Variants in RAD18 observed in about 807,000 individuals in gnomAD.
RAD18 encodes the protein RAD18 E3 ubiquitin protein ligase, also known as E3 ubiquitin-protein ligase RAD18.
A neutral mutation model predicts 60.4 loss-of-function variants in RAD18; 47 were observed. That is an observed-to-expected ratio of 0.78 (90% CI 0.62 to 0.99). RAD18 has a LOEUF of 0.99. RAD18 is among the 50% of genes least tolerant of loss of function. The probability of loss-of-function intolerance (pLI) is 0.00; values close to 1 mark genes in which losing one functional copy is unlikely to be tolerated. For synonymous variants in RAD18, 225 were observed against 195.5 expected (o/e 1.15, Z -1.26); for missense variants, 640 against 593.3 (o/e 1.08, Z -0.82).
intron 2 of RAD18, among the ~76,000 whole-genome samples, chr3:8,953,765 G>T (rs1167627979): frequency 6.6e-6 from 1 of 151,676 alleles, no homozygotes; most frequent in Admixed American, 6.6e-5. Context: ...TAAAATAATT[G>T]GCTTGTGGAC....
chr3:8,895,644 T>G (rs640900), intron 11 of RAD18, among the ~76,000 whole-genome samples: 87,273 of 152,098 alleles, frequency 0.57, 28,773 homozygotes, highest in Middle Eastern at 0.73. Context: ...TCTCTTTTTT[T>G]TTTGTTTGTT....
intron 7 of RAD18, among the ~76,000 whole-genome samples, chr3:8,918,589 G>A (rs1001491493): frequency 1.4e-4 from 19 of 131,092 alleles, no homozygotes; most frequent in Admixed American, 8.3e-4. Context: ...GAATGACACT[G>A]TGTGTCACCC....
chr3:8,920,826 T>C (rs674610), intron 7 of RAD18, among the ~76,000 whole-genome samples: 92,863 of 152,024 alleles, frequency 0.61, 30,594 homozygotes, highest in Middle Eastern at 0.73. Flanking sequence ...TTGAAAGAGA[T>C]TGAAAAGATA....
intron 7 of RAD18, among the ~76,000 whole-genome samples, chr3:8,916,978 A>G (rs1203130851): frequency 6.6e-6 from 1 of 152,178 alleles, no homozygotes; most frequent in Non-Finnish European, 1.5e-5. Context: ...CCACAAATGC[A>G]AGAATTTCAA....
At chr3:8,917,808 A>G (rs2125057208) in intron 7 of RAD18, among the ~76,000 whole-genome samples, 1 of 152,282 alleles carries the variant, frequency 6.6e-6, no homozygotes, top group Middle Eastern at 3.4e-3. Context: ...GGGTTTTAAA[A>G]CACCAATTAA....
chr3:8,956,006 T>A (rs1169299418), intron 2 of RAD18, among the ~76,000 whole-genome samples: 1 of 152,184 alleles, frequency 6.6e-6, no homozygotes, highest in Non-Finnish European at 1.5e-5. Flanking sequence ...CAGTAAGAGA[T>A]TAGGAACAAT....
intron 1 of RAD18, among the ~76,000 whole-genome samples, chr3:8,962,346 C>G (rs564347881): frequency 1.3e-5 from 2 of 152,286 alleles, no homozygotes; most frequent in Admixed American, 1.3e-4. Context: ...CTACAGCTTT[C>G]CTGGATCATT....
intron 12 of RAD18, chr3:8,890,092 A>G (rs1939658089): frequency 8.3e-6 from 3 of 362,062 alleles, no homozygotes; most frequent in Non-Finnish European, 1.6e-5. Context: ...ATGAAATCAC[A>G]TTTCTCAGGA....
At chr3:8,893,760 C>T (rs937500343) in intron 11 of RAD18, among the ~76,000 whole-genome samples, 2 of 139,004 alleles carry the variant, frequency 1.4e-5, no homozygotes, top group African/African-American at 5.4e-5. Flanking sequence ...TGCAGTGGTA[C>T]AATCACAGCT....
At chr3:8,962,303 C>T (rs953578909) in intron 1 of RAD18, among the ~76,000 whole-genome samples, 1 of 152,234 alleles carries the variant, frequency 6.6e-6, no homozygotes, top group African/African-American at 2.4e-5. Flanking sequence ...CTCTTCTCCA[C>T]TGCATCCTGG....
intron 11 of RAD18, 122 bp downstream of exon 11, chr3:8,898,772 G>T: frequency 1.2e-6 from 1 of 863,176 alleles, no homozygotes; most frequent in Non-Finnish European, 1.7e-6. Context: ...AAAGGGGACT[G>T]AAATGTAAGA....
chr3:8,947,234 G>C lies in RAD18; in HGVS notation c.252C>G (p.Ser84Arg), dbSNP rs1393994985. The C allele has an allele frequency of 6.2e-7, 1 of 1,608,914 alleles. No homozygotes were observed. The highest frequency in any genetic ancestry group is 8.5e-7 in the Non-Finnish European group (1 of 1,175,872). Residue 84 changes from serine to arginine, a missense_variant, in exon 4 of 13, where the codon AGC (serine) becomes AGG (arginine). Coordinates refer to ENST00000264926, the MANE Select transcript of RAD18 (RefSeq NM_020165.4). ...NNRILDELVK[S>R]LNFARNHLLQ... ...TTAAATCATACCGTGCAAAATTCAAGCTTTTTACCAGTTCATCTAATATGC... is the reference window on the plus strand; with the variant it reads ...TTAAATCATACCGTGCAAAATTCAACCTTTTTACCAGTTCATCTAATATGC...
At chr3:8,958,784 A>G in intron 2 of RAD18, 136 bp downstream of exon 2, 1 of 658,660 alleles carries the variant, frequency 1.5e-6, no homozygotes, top group African/African-American at 1.8e-5. Flanking sequence ...GGCAGTGAAA[A>G]AGACCTTCTG....
chr3:8,907,437 G>T (rs1208522001), intron 9 of RAD18, among the ~76,000 whole-genome samples: 1 of 152,132 alleles, frequency 6.6e-6, no homozygotes, highest in Non-Finnish European at 1.5e-5. Context: ...GAATGGCTGG[G>T]CTCCTGGCTA....
chr3:8,879,583 G>T lies in RAD18; in HGVS notation c.*1774C>A, dbSNP rs923177358. 4 of 152,144 alleles carry T rather than the reference G, an allele frequency of 2.6e-5. No homozygotes were observed. The highest frequency in any genetic ancestry group is 4.4e-5 in the Non-Finnish European group (3 of 68,070). 9.4% of individuals were successfully genotyped at this position (152,144 alleles called of 1,614,324 possible). A position where few individuals can be genotyped will look rare whatever the true frequency, so the allele number is the denominator to read the frequency against. ...CTGGCAAACTAATCCATGAGGGTTG[G>T]GTGTTTAGCCTCATCCCTGGCCTCC... On this transcript the variant is annotated 3_prime_UTR_variant, in exon 13 of 13. Coordinates refer to ENST00000264926, the MANE Select transcript of RAD18 (RefSeq NM_020165.4).
chr3:8,884,874 G>A (rs532950231), intron 12 of RAD18, among the ~76,000 whole-genome samples: 1 of 152,252 alleles, frequency 6.6e-6, no homozygotes, highest in Middle Eastern at 3.4e-3. Context: ...TGACTTACTG[G>A]AATAACACTT....
At position 8,963,337 on chromosome 3, in the gene RAD18, T is replaced by G; in HGVS notation, c.49A>C (p.Lys17Gln). ...SRWPPGLAVMKTIDDLLRCGI... is the reference protein window; with the variant it reads ...SRWPPGLAVMQTIDDLLRCGI... ...CCCAAACTCCCCGAAGCACTCACCT[T>G]CATGACTGCCAGGCCCGGAGGCCAC... Residue 17 changes from lysine (K) to glutamine (Q), a missense_variant and splice_region_variant, in exon 1 of 13, where the codon AAG (lysine) becomes CAG (glutamine). By Grantham distance (53) the Lys-to-Gln change is moderately conservative (BLOSUM62 1). Coordinates refer to ENST00000264926, the MANE Select transcript of RAD18 (RefSeq NM_020165.4). 3 of 1,611,400 alleles carry G rather than the reference T, an allele frequency of 1.9e-6. No individual in the cohort carries two copies. The highest frequency in any genetic ancestry group is 1.3e-5 in the African/African-American group (1 of 74,864).
intron 7 of RAD18, among the ~76,000 whole-genome samples, chr3:8,923,984 G>A (rs1449223445): frequency 6.6e-6 from 1 of 152,036 alleles, no homozygotes; most frequent in Non-Finnish European, 1.5e-5. Flanking sequence ...AGACCATCAA[G>A]GCTAGGAAGA....
At chr3:8,923,160 C>A (rs550828042) in intron 7 of RAD18, among the ~76,000 whole-genome samples, 12 of 152,222 alleles carry the variant, frequency 7.9e-5, no homozygotes, top group African/African-American at 2.9e-4. Context: ...AAGTTAAGAA[C>A]CTTGAAAAAA....
Sources: allele counts gnomAD v4.1 joint callset (sites outside exome capture counted in the v4.1 genomes callset), GRCh38; gene constraint gnomAD v4.1.1; transcripts MANE v1.5; gene names NCBI Gene and HGNC (gene_info 2026-07-23, HGNC 2026-07-21).